Variants in TTC28 observed in about 807,000 individuals in gnomAD.
TTC28 encodes tetratricopeptide repeat domain 28, also known as tetratricopeptide repeat protein 28.
In TTC28, 61 loss-of-function variants were observed where a neutral mutation model predicts 198.0. The observed-to-expected ratio is 0.31, with a 90% CI of 0.25 to 0.38. The LOEUF is 0.38. Ranked by LOEUF, TTC28 falls within the 10% of genes least tolerant of loss-of-function variation. TTC28 has a pLI of 1.00. For missense variants in TTC28, 2,678 were observed against 3,164.0 expected, an observed-to-expected ratio of 0.85 and a Z score of 3.69; for synonymous variants, 1,171 against 1,297.8, an observed-to-expected ratio of 0.90 and a Z score of 2.10.
In TTC28 at chr22:27,982,828, T is replaced by A; in HGVS notation, c.6839A>T (p.Gln2280Leu). The A allele has an allele frequency of 6.5e-7, 1 of 1,541,188 alleles. No individual in the cohort carries two copies. ...PSPGCDSQTSQLDQPLFKLKY... is the reference protein window; with the variant it reads ...PSPGCDSQTSLLDQPLFKLKY... ...CAGTTTAAAGAGAGGCTGGTCCAGC[T>A]GGGAAGTCTGTGAGTCGCAGCCGGG... The change falls in exon 23 of 23, where the codon CAG (glutamine) becomes CTG (leucine). Residue 2280 changes from glutamine to leucine, a missense_variant. Gln to Leu is a moderately radical substitution (Grantham distance 113, BLOSUM62 -2). This residue lies in a region of TTC28 where 622 missense variants were observed against 656.0 expected (regional missense o/e 0.95). Transcript: ENST00000397906. This position sits in a 1 kb window ranked among gnomAD's most constrained non-coding sequence, Gnocchi z 5.2.
At chr22:28,654,421 G>A (rs2051611778) in intron 1 of TTC28, among the ~76,000 whole-genome samples, 2 of 152,136 alleles carry the variant, frequency 1.3e-5, no homozygotes, top group Non-Finnish European at 2.9e-5. Context: ...TCTGCCTCCT[G>A]GGTTCAAGCG....
chr22:28,648,141 G>A (rs1388189208), intron 1 of TTC28, among the ~76,000 whole-genome samples: 2 of 149,490 alleles, frequency 1.3e-5, no homozygotes, highest in Non-Finnish European at 3.0e-5. Context: ...GGAGAATGTC[G>A]TGAACCCAGG....
chr22:28,627,582 C>A (rs1241237727), intron 2 of TTC28, among the ~76,000 whole-genome samples: 1 of 151,896 alleles, frequency 6.6e-6, no homozygotes, highest in Non-Finnish European at 1.5e-5. Flanking sequence ...CAGGTGCCTG[C>A]CACCACGCCC....
chr22:28,038,802 A>T lies in TTC28; in HGVS notation c.3933-8436T>A, dbSNP rs571128363. On this transcript the variant is annotated intron_variant, in intron 12 of 22. Transcript: ENST00000397906. ...AAGGGCTAATATCCAGAATCTGCAAAGAACTCAAACAAATTTACAAGAAAA... is the reference window on the plus strand; with the variant it reads ...AAGGGCTAATATCCAGAATCTGCAATGAACTCAAACAAATTTACAAGAAAA... 1.2e-4 allele frequency among the ~76,000 whole-genome samples: 19 copies of T among 152,262 alleles called. 1 individual carries two copies. The highest frequency in any genetic ancestry group is 5.2e-4 in the Admixed American group (8 of 15,284).
chr22:28,218,778 T>C (rs929879459), intron 5 of TTC28, among the ~76,000 whole-genome samples: 1 of 152,104 alleles, frequency 6.6e-6, no homozygotes, highest in African/African-American at 2.4e-5. Flanking sequence ...TGAGGACATT[T>C]TTAAGTCAAA....
intron 2 of TTC28, among the ~76,000 whole-genome samples, chr22:28,436,835 T>C (rs887423510): frequency 3.9e-5 from 6 of 152,236 alleles, no homozygotes; most frequent in African/African-American, 1.4e-4. Flanking sequence ...AGCTTCAGAG[T>C]CCATCCTCTC....
Position 27,993,324 on chromosome 22 carries a change from C to T in TTC28, c.5439G>A (p.Arg1813=). The change falls in exon 18 of 23, where the codon CGG becomes CGA. Residue 1813 remains arginine (R), a synonymous_variant. Coordinates refer to ENST00000397906, the MANE Select transcript of TTC28 (RefSeq NM_001145418.2). ...GGAGTGTGCTGCTGCACTGCTGGAG[C>T]CGGTCGCCCGGGTCGGAGGTTGGGA... is the stretch of plus-strand genomic sequence containing the variant. ...VFFPTSDPGD[R]LQQCSSTLQS... 1 of 1,548,226 alleles carries T rather than the reference C, an allele frequency of 6.5e-7. No homozygotes were observed. Among genetic ancestry groups the T allele is most frequent in the Non-Finnish European group, 8.7e-7 (1 of 1,146,320 alleles).
chr22:28,107,241 A>G lies in TTC28; in HGVS notation c.2604T>C (p.Ser868=), dbSNP rs2146899375. ...CCCTGTCGAGCACAGACTCATTTCC[A>G]CTTAGCTGCTGCAGCATGGCCAATT... ...EQQLAMLQQL[S]GNESVLDRGR... Residue 868 remains serine (S), a synonymous_variant, in exon 7 of 23, where the codon AGT becomes AGC. Coordinates refer to ENST00000397906, the MANE Select transcript of TTC28 (RefSeq NM_001145418.2). 6.4e-7 allele frequency: 1 copy of G among 1,551,566 alleles called. No homozygotes were observed. Among genetic ancestry groups the G allele is most frequent in the African/African-American group, 1.4e-5 (1 of 73,108 alleles).
chr22:28,110,635 G>A (rs543184141), intron 6 of TTC28, among the ~76,000 whole-genome samples: 1 of 152,248 alleles, frequency 6.6e-6, no homozygotes, highest in African/African-American at 2.4e-5. Context: ...TAAACATGGT[G>A]ACATTAAAAA....
At chr22:28,592,181 C>A (rs1252842715) in intron 2 of TTC28, among the ~76,000 whole-genome samples, 6 of 151,926 alleles carry the variant, frequency 3.9e-5, no homozygotes, top group South Asian at 2.1e-4. Context: ...GTCTAGGGGG[C>A]CTGCTGTCTA....
intron 2 of TTC28, among the ~76,000 whole-genome samples, chr22:28,402,005 C>T (rs978162098): frequency 2.0e-5 from 3 of 152,168 alleles, no homozygotes; most frequent in African/African-American, 4.8e-5. Context: ...TGGTCAAGTT[C>T]CCCTACCCTT....
At chr22:28,624,938 T>C (rs2051055237) in intron 2 of TTC28, among the ~76,000 whole-genome samples, 1 of 152,210 alleles carries the variant, frequency 6.6e-6, no homozygotes, top group African/African-American at 2.4e-5. Flanking sequence ...GTTGATTTAG[T>C]TGATTTAATA....
chr22:28,001,415 G>A lies in TTC28; in HGVS notation c.4357C>T (p.Leu1453Phe). The change falls in exon 15 of 23, where the codon CTT (leucine) becomes TTT (phenylalanine). Residue 1453 changes from leucine (L) to phenylalanine (F), a missense_variant. Physicochemically the swap from Leu to Phe is conservative, Grantham distance 22. This residue lies in a region of TTC28 where 727 missense variants were observed against 861.9 expected (regional missense o/e 0.84). Transcript: ENST00000397906. ...AGGGAGCGGATGGAAGGGACAGCAA[G>A]GAGGCCGAAGCGCTCGTAGAGGTAC... The part of the protein sequence containing the change: ...NEYLYERFGL[L>F]AVPSIRSLSV... The A allele has an allele frequency of 3.2e-6, 5 of 1,551,528 alleles. No individual in the cohort carries two copies. Among genetic ancestry groups the A allele is most frequent in the Non-Finnish European group, 3.5e-6 (4 of 1,146,934 alleles).
At chr22:28,055,955 A>G (rs921422833) in intron 12 of TTC28, among the ~76,000 whole-genome samples, 2 of 152,136 alleles carry the variant, frequency 1.3e-5, no homozygotes, top group African/African-American at 4.8e-5. Flanking sequence ...TTAATCATGT[A>G]TATGATATCA....
Position 28,163,176 on chromosome 22 carries a change from C to G in TTC28, c.1357G>C (p.Ala453Pro). ...AGCTGCTGCTCATGGTATTGTTTAG[C>G]TCTCTCCAAATCCTGCATGCACCTG... ...AARCMQDLERAKQYHEQQLGI... is the reference protein window; with the variant it reads ...AARCMQDLERPKQYHEQQLGI... The change falls in exon 6 of 23, where the codon GCT becomes CCT. Residue 453 changes from alanine (A) to proline (P), a missense_variant. Around this residue, in one of 8 missense-constraint regions of TTC28, gnomAD observed 775 missense variants for 845.9 expected, o/e 0.92. Transcript: ENST00000397906. 6.4e-7 allele frequency: 1 copy of G among 1,551,720 alleles called. No individual in the cohort carries two copies. The highest frequency in any genetic ancestry group is 8.7e-7 in the Non-Finnish European group (1 of 1,147,002).
intron 1 of TTC28, 47 bp from the exon 2 acceptor site, chr22:28,629,877 G>C: frequency 6.7e-7 from 1 of 1,486,466 alleles, no homozygotes; most frequent in Non-Finnish European, 9.0e-7. Flanking sequence ...TAATCCAGAT[G>C]GGTTCCCCAT....
intron 2 of TTC28, among the ~76,000 whole-genome samples, chr22:28,385,328 G>C (rs2146037368): frequency 6.7e-6 from 1 of 149,944 alleles, no homozygotes; most frequent in East Asian, 2.0e-4. Context: ...CACCTCCTGG[G>C]TTCAAGCAAT....
At chr22:28,184,708 T>A (rs1924032257) in intron 5 of TTC28, among the ~76,000 whole-genome samples, 2 of 152,118 alleles carry the variant, frequency 1.3e-5, no homozygotes, top group Admixed American at 1.3e-4. Flanking sequence ...ACAAGTATGA[T>A]CAAATTATTC....
intron 1 of TTC28, among the ~76,000 whole-genome samples, chr22:28,678,205 T>C (rs2052033148): frequency 6.6e-6 from 1 of 152,196 alleles, no homozygotes; most frequent in African/African-American, 2.4e-5. Context: ...GTATACATAA[T>C]CATTTATGTA....
Sources: gnomAD v4.1 joint callset for allele counts (sites outside exome capture counted in the v4.1 genomes callset) on GRCh38, gnomAD v4.1.1 for gene constraint, gnomAD v4.1.1 regional missense constraint, Gnocchi (gnomAD v3.1) non-coding constraint, MANE v1.5 for transcripts, NCBI Gene and HGNC (gene_info 2026-07-23, HGNC 2026-07-21) for gene names.